The following LTN1 variants were observed in gnomAD, a reference collection of about 807,000 sequenced individuals.
LTN1 encodes E3 ubiquitin-protein ligase listerin.
A neutral mutation model predicts 201.2 loss-of-function variants in LTN1; 88 were observed. That is an observed-to-expected ratio of 0.44 (90% CI 0.37 to 0.52). LTN1 has a LOEUF of 0.52. Ranked by LOEUF, LTN1 falls within the 20% of genes least tolerant of loss-of-function variation. The pLI, the probability that LTN1 is intolerant of heterozygous loss-of-function variation, is 0.00. For synonymous variants in LTN1, 645 were observed against 713.5 expected (o/e 0.90, Z 1.53); for missense variants, 1,752 against 2,038.7 (o/e 0.86, Z 2.71).
intron 1 of LTN1, among the ~76,000 whole-genome samples, chr21:28,987,362 T>C (rs2084706254): frequency 6.6e-6 from 1 of 152,234 alleles, no homozygotes; most frequent in African/African-American, 2.4e-5. Flanking sequence ...TACTATGTAA[T>C]GATGTAAAAT....
At position 28,970,548 on chromosome 21, in the gene LTN1, T is replaced by G. The variant is rs1447993315; in HGVS notation, c.1175+4A>C. 6.3e-7 allele frequency: 1 copy of G among 1,592,426 alleles called. No individual in the cohort carries two copies. The highest frequency in any genetic ancestry group is 1.1e-5 in the South Asian group (1 of 87,352). On this transcript the variant is annotated splice_donor_region_variant and intron_variant, in intron 8 of 29. Transcript: ENST00000361371. ...TTTAAAAATCAAAAATTTAAATTAC[T>G]TACCCAGCAACTAGAGACGTGAGGA...
Position 28,928,186 on chromosome 21 carries a change from A to G in LTN1, c.*2262T>C, listed in dbSNP as rs1440982659. On this transcript the variant is annotated 3_prime_UTR_variant, in exon 30 of 30. Coordinates refer to ENST00000361371, the MANE Select transcript of LTN1 (RefSeq NM_015565.3). Reference sequence around the variant, plus strand: ...ACATTTTATTTATTTAAAAATCAGAAGCAAATATGGCAAAATAGTATGTGA... The same window carrying G: ...ACATTTTATTTATTTAAAAATCAGAGGCAAATATGGCAAAATAGTATGTGA... The G allele has an allele frequency of 6.6e-6, 1 of 152,598 alleles. No individual in the cohort carries two copies. Among genetic ancestry groups the G allele is most frequent in the East Asian group, 1.9e-4 (1 of 5,196 alleles). 9.5% of individuals were successfully genotyped at this position (152,598 alleles called of 1,614,324 possible). A position where few individuals can be genotyped will look rare whatever the true frequency, so the allele number is the denominator to read the frequency against.
intron 1 of LTN1, among the ~76,000 whole-genome samples, chr21:28,989,110 G>A (rs1328481350): frequency 6.6e-6 from 1 of 152,098 alleles, no homozygotes; most frequent in Non-Finnish European, 1.5e-5. Context: ...GAGCCACAAA[G>A]GAAGTAGTTA....
intron 6 of LTN1, among the ~76,000 whole-genome samples, chr21:28,976,819 C>T (rs1176568607): frequency 1.3e-5 from 2 of 152,092 alleles, no homozygotes; most frequent in Non-Finnish European, 2.9e-5. Context: ...AGTGGCAGTG[C>T]AATCAAAGCT....
Position 28,944,580 on chromosome 21 carries a change from T to C in LTN1, c.3785A>G (p.Gln1262Arg). ...LAWLETTSEN[Q>R]ALYSIPLVQL... ...CACAAGTGGAATAGAATACAATGCC[T>C]GATTCTCACTTGTTGTCTGAAAAAA... is the stretch of plus-strand genomic sequence containing the variant. Residue 1262 changes from glutamine (Q) to arginine (R), a missense_variant, in exon 22 of 30, where the codon CAG becomes CGG. Transcript: ENST00000361371. 6.2e-7 allele frequency: 1 copy of C among 1,612,788 alleles called. No homozygotes were observed. The highest frequency in any genetic ancestry group is 8.5e-7 in the Non-Finnish European group (1 of 1,179,128).
chr21:28,942,691 C>G (rs1351855566), intron 24 of LTN1, among the ~76,000 whole-genome samples: 2 of 152,114 alleles, frequency 1.3e-5, no homozygotes, highest in Non-Finnish European at 2.9e-5. Context: ...TGCAGAAATG[C>G]TACCTAACCT....
chr21:28,975,200 A>G (rs2084605490), intron 6 of LTN1, among the ~76,000 whole-genome samples: 1 of 152,206 alleles, frequency 6.6e-6, no homozygotes, highest in African/African-American at 2.4e-5. Context: ...ACTATACTCA[A>G]TAAGGTAAAG....
chr21:28,973,550 A>G (rs2084592497), intron 6 of LTN1, among the ~76,000 whole-genome samples: 1 of 152,078 alleles, frequency 6.6e-6, no homozygotes, highest in South Asian at 2.1e-4. Context: ...AAAGTATTTT[A>G]AAAGACATGA....
intron 15 of LTN1, 108 bp downstream of exon 15, chr21:28,957,224 C>A (rs1480730096): frequency 1.7e-6 from 2 of 1,156,258 alleles, no homozygotes; most frequent in Non-Finnish European, 2.4e-6. Context: ...CAAAGCAAAG[C>A]AAAATACTCA....
intron 25 of LTN1, among the ~76,000 whole-genome samples, chr21:28,939,280 G>A (rs533995131): frequency 6.6e-6 from 1 of 152,194 alleles, no homozygotes; most frequent in South Asian, 2.1e-4. Context: ...GTATTCGCTG[G>A]GGTGGGGGTC....
intron 1 of LTN1, among the ~76,000 whole-genome samples, chr21:28,990,603 AAC>A (rs2084737225): frequency 6.6e-6 from 1 of 152,206 alleles, no homozygotes; most frequent in Admixed American, 6.5e-5. Flanking sequence ...TATAATGAAC[AAC>A]ACCTTAACCA....
At chr21:28,960,978 C>A (rs932300526) in intron 11 of LTN1, among the ~76,000 whole-genome samples, 1 of 133,128 alleles carries the variant, frequency 7.5e-6, no homozygotes, top group African/African-American at 2.8e-5. Context: ...CCCATCCATT[C>A]TTTGAAAATC....
At chr21:28,991,658 G>A (rs1054072323) in intron 1 of LTN1, among the ~76,000 whole-genome samples, 5 of 152,148 alleles carry the variant, frequency 3.3e-5, no homozygotes, top group Non-Finnish European at 7.4e-5. Context: ...TAAAACATTT[G>A]AGAAAATCTG....
intron 17 of LTN1, among the ~76,000 whole-genome samples, 198 bp downstream of exon 17, chr21:28,953,019 C>G (rs948194324): frequency 6.6e-6 from 1 of 152,106 alleles, no homozygotes; most frequent in Non-Finnish European, 1.5e-5. Context: ...ATAAGACAGG[C>G]AGAATACAAA....
In LTN1 at chr21:28,944,427, T is replaced by C. The variant is rs746783277; in HGVS notation, c.3938A>G (p.Gln1313Arg). The stretch of plus-strand genomic sequence containing the variant: ...AGGTAAAAGCAAACTGTGGATGCCT[T>C]GGGAAAAAAATTCTTTCCATTCACT... ...LISEWKEFFS[Q>R]GIHSLLLPIL... is the part of the protein sequence containing the mutation. The change falls in exon 22 of 30, where the codon CAA becomes CGA. Residue 1313 changes from glutamine (Q) to arginine (R), a missense_variant. By Grantham distance (43) the Gln-to-Arg change is conservative (BLOSUM62 1). Coordinates refer to ENST00000361371, the MANE Select transcript of LTN1 (RefSeq NM_015565.3). The C allele has an allele frequency of 4.3e-6, 7 of 1,613,836 alleles. No individual in the cohort carries two copies. The highest frequency in any genetic ancestry group is 1.3e-5 in the African/African-American group (1 of 74,906).
rs1430720565 is a variant in LTN1 at position 28,947,890 on chromosome 21, T to A, written c.3345-284A>T. 4.3e-4 allele frequency among the ~76,000 whole-genome samples: 62 copies of A among 144,362 alleles called. 1 individual carries two copies. Among genetic ancestry groups the A allele is most frequent in the East Asian group, 3.4e-3 (17 of 5,040 alleles). The allele number at this position is 144,362 out of a possible 152,430, so 94.7% of individuals were successfully genotyped here. On this transcript the variant is annotated intron_variant, in intron 18 of 29. Coordinates refer to ENST00000361371, the MANE Select transcript of LTN1 (RefSeq NM_015565.3). ...AGCCACATGACATTATGTCCTCTTT[T>A]AAAAAAAAAAAAGAGTCAATTGCGG...
intron 16 of LTN1, among the ~76,000 whole-genome samples, chr21:28,956,089 T>C (rs546217041): frequency 3.9e-5 from 6 of 152,126 alleles, no homozygotes; most frequent in Admixed American, 1.3e-4. Context: ...GAAGATAGAA[T>C]AGTATAGTAG....
intron 11 of LTN1, chr21:28,964,698 A>G (rs1289103708): frequency 1.3e-6 from 2 of 1,550,510 alleles, no homozygotes; most frequent in African/African-American, 1.4e-5. Context: ...GGAACTTCCA[A>G]TCACTGCTCA....
rs2084760060 is a variant in LTN1, at chr21:28,992,867, T to C, written c.-62A>G. 6.2e-7 allele frequency: 1 copy of C among 1,613,326 alleles called. No individual in the cohort carries two copies. The highest frequency in any genetic ancestry group is 8.5e-7 in the Non-Finnish European group (1 of 1,179,724). On this transcript the variant is annotated 5_prime_UTR_variant, in exon 1 of 30. Transcript: ENST00000361371. ...CCGGTTGACACGTCCGGGACACAAC[T>C]TCCGGCTTCTGGCGGCGGAAGAGGA...
Sources: allele counts gnomAD v4.1 joint callset (sites outside exome capture counted in the v4.1 genomes callset), GRCh38; gene constraint gnomAD v4.1.1; transcripts MANE v1.5; gene names NCBI Gene and HGNC (gene_info 2026-07-23, HGNC 2026-07-21).